DGKB: variants seen among roughly 807,000 people sequenced by gnomAD.
The protein encoded by DGKB is 90 kDa diacylglycerol kinase.
A neutral mutation model predicts 114.3 loss-of-function variants in DGKB; 67 were observed. The observed-to-expected ratio is 0.59, with a 90% confidence interval of 0.48 to 0.72. DGKB has a LOEUF of 0.72. Among genes scored for constraint, DGKB ranks in the 30% least tolerant of loss-of-function variants. The pLI, the probability that DGKB is intolerant of heterozygous loss-of-function variation, is 0.00. For synonymous variants in DGKB, 398 were observed against 323.1 expected (o/e 1.23, Z -2.49); for missense variants, 907 against 975.2 (o/e 0.93, Z 0.93).
chr7:14,292,453 C>T (rs867474914), intron 23 of DGKB, among the ~76,000 whole-genome samples: 5 of 152,148 alleles, frequency 3.3e-5, no homozygotes, highest in Non-Finnish European at 7.4e-5. Flanking sequence ...ATTCACATCT[C>T]GGATTGACTA....
intron 23 of DGKB, among the ~76,000 whole-genome samples, chr7:14,272,163 C>A: frequency 6.6e-6 from 1 of 152,074 alleles, no homozygotes; most frequent in East Asian, 1.9e-4. Flanking sequence ...TATTTATATG[C>A]TATTTTTCAT....
At chr7:14,856,526 T>C (rs1454787981) in intron 1 of DGKB, among the ~76,000 whole-genome samples, 2 of 152,144 alleles carry the variant, frequency 1.3e-5, no homozygotes, top group African/African-American at 4.8e-5. Context: ...TGTTTGAACT[T>C]TTATAAAACT....
At chr7:14,527,046 G>A (rs539167258) in intron 20 of DGKB, among the ~76,000 whole-genome samples, 11 of 152,216 alleles carry the variant, frequency 7.2e-5, no homozygotes, top group African/African-American at 1.9e-4. Flanking sequence ...CAATGGTGGT[G>A]TAACACTACT....
At chr7:14,930,570 T>G (rs1784962171) in intron 1 of DGKB, among the ~76,000 whole-genome samples, 1 of 152,220 alleles carries the variant, frequency 6.6e-6, no homozygotes, top group African/African-American at 2.4e-5. Context: ...TTTTGAAATT[T>G]TGCTGAATTC....
chr7:14,802,311 A>C (rs922243562), intron 2 of DGKB, among the ~76,000 whole-genome samples: 14 of 151,942 alleles, frequency 9.2e-5, no homozygotes, highest in Non-Finnish European at 1.9e-4. Flanking sequence ...TTCTTTTCTT[A>C]TTAATTTTAC....
At chr7:14,571,972 C>G (rs1036919596) in intron 20 of DGKB, among the ~76,000 whole-genome samples, 1 of 152,006 alleles carries the variant, frequency 6.6e-6, no homozygotes, top group Admixed American at 6.6e-5. Flanking sequence ...AAGATATAAA[C>G]AATTTTCAGT....
chr7:14,541,146 T>G (rs1348826290), intron 20 of DGKB, among the ~76,000 whole-genome samples: 1 of 151,984 alleles, frequency 6.6e-6, no homozygotes, highest in African/African-American at 2.4e-5. Context: ...TGACAAGTGA[T>G]GCCATGTCCA....
chr7:14,150,557 A>T (rs1782037870), intron 25 of DGKB, among the ~76,000 whole-genome samples: 1 of 152,100 alleles, frequency 6.6e-6, no homozygotes, highest in South Asian at 2.1e-4. Flanking sequence ...TTCTGGAAGG[A>T]TTCAGTGTTC....
intron 13 of DGKB, among the ~76,000 whole-genome samples, chr7:14,654,014 A>C (rs978479049): frequency 1.3e-5 from 2 of 152,094 alleles, no homozygotes; most frequent in African/African-American, 4.8e-5. Flanking sequence ...TATTCAACAT[A>C]CTACTAGCAG....
intron 25 of DGKB, among the ~76,000 whole-genome samples, chr7:14,157,375 G>GT (rs5882430): frequency 0.75 from 109,407 of 145,032 alleles, 41,580 homozygotes; most frequent in East Asian, 0.92. Flanking sequence ...CCTTTTGCCA[G>GT]TTTTTTTTTT....
At chr7:14,435,509 G>A (rs187093682) in intron 21 of DGKB, among the ~76,000 whole-genome samples, 48 of 152,142 alleles carry the variant, frequency 3.2e-4, no homozygotes, top group African/African-American at 1.0e-3. Context: ...TGTGAGTATA[G>A]TAAATGATCA....
intron 21 of DGKB, among the ~76,000 whole-genome samples, chr7:14,411,289 T>C (rs1384161242): frequency 2.0e-5 from 3 of 152,338 alleles, no homozygotes; most frequent in East Asian, 3.9e-4. Context: ...GCACTGTTTA[T>C]TTATTTGACA....
chr7:14,822,471 A>T (rs1845080580), intron 2 of DGKB, among the ~76,000 whole-genome samples: 1 of 152,142 alleles, frequency 6.6e-6, no homozygotes, highest in Non-Finnish European at 1.5e-5. Context: ...GGGAGAAATG[A>T]TTGGTTACTA....
chr7:14,554,774 C>T (rs1302874107), intron 20 of DGKB, among the ~76,000 whole-genome samples: 2 of 151,820 alleles, frequency 1.3e-5, no homozygotes, highest in Non-Finnish European at 2.9e-5. Flanking sequence ...ATAATTTTAT[C>T]GTTCATTGTT....
intron 20 of DGKB, among the ~76,000 whole-genome samples, chr7:14,478,673 G>C (rs74916129): frequency 0.027 from 4,073 of 152,060 alleles, 187 homozygotes; most frequent in African/African-American, 0.092. Flanking sequence ...TGAGTAAAAG[G>C]ATGGTGTGAG....
At chr7:14,829,046 T>C (rs746662620) in intron 2 of DGKB, among the ~76,000 whole-genome samples, 11 of 152,070 alleles carry the variant, frequency 7.2e-5, no homozygotes, top group Non-Finnish European at 1.3e-4. Flanking sequence ...GCAAAGATCA[T>C]AAATCAACTC....
intron 2 of DGKB, among the ~76,000 whole-genome samples, chr7:14,767,681 A>G (rs1414791033): frequency 6.6e-6 from 1 of 151,954 alleles, no homozygotes; most frequent in Non-Finnish European, 1.5e-5. Flanking sequence ...GAAATTGTAT[A>G]TTTTTTTGTG....
chr7:14,220,096 G>C (rs1396629224), intron 23 of DGKB, among the ~76,000 whole-genome samples: 1 of 151,532 alleles, frequency 6.6e-6, no homozygotes, highest in Non-Finnish European at 1.5e-5. Flanking sequence ...ATAGTCTATT[G>C]CTCCCCGGCT....
In DGKB at chr7:14,382,308, C is replaced by T. The variant is rs577288933; in HGVS notation, c.1836-36917G>A. ...AGTGGCAATTTTTTTTTTTGTCCAC[C>T]AAAGGATTATTCAACAAGGCACATA... On this transcript the variant is annotated intron_variant, in intron 21 of 25. Coordinates refer to ENST00000402815, the MANE Select transcript of DGKB (RefSeq NM_001350709.2). Among the ~76,000 whole-genome samples the T allele has an allele frequency of 3.6e-4, 55 of 151,698 alleles. 1 individual carries two copies. The highest frequency in any genetic ancestry group is 1.3e-3 in the African/African-American group (54 of 41,352).
Sources: allele counts gnomAD v4.1 joint callset (sites outside exome capture counted in the v4.1 genomes callset), GRCh38; gene constraint gnomAD v4.1.1; transcripts MANE v1.5; gene names NCBI Gene and HGNC (gene_info 2026-07-23, HGNC 2026-07-21).